SYNJ1: variants seen among roughly 807,000 people sequenced by gnomAD.
The protein encoded by SYNJ1 is polyphosphatidylinositol phosphatase SYNJ1.
In SYNJ1, 78 loss-of-function variants were observed where a neutral mutation model predicts 168.2. The ratio of observed to expected loss-of-function variants is 0.46; its 90% CI spans 0.39 to 0.56. The LOEUF (loss-of-function observed/expected upper bound fraction) is 0.56, where lower values mean the gene tolerates loss of function less well. SYNJ1 is among the 20% of genes least tolerant of loss of function. The pLI, the probability that SYNJ1 is intolerant of heterozygous loss-of-function variation, is 0.00. For missense variants in SYNJ1, 1,303 were observed against 1,597.6 expected, an observed-to-expected ratio of 0.82 and a Z score of 3.14; for synonymous variants, 539 against 548.6, an observed-to-expected ratio of 0.98 and a Z score of 0.24.
intron 2 of SYNJ1, among the ~76,000 whole-genome samples, chr21:32,719,755 C>T (rs1289693535): frequency 6.7e-6 from 1 of 150,288 alleles, no homozygotes; most frequent in African/African-American, 2.4e-5. Flanking sequence ...CTATTTAGTG[C>T]TCAGTGCTCA....
chr21:32,713,860 G>GA (rs1433304289), intron 2 of SYNJ1, among the ~76,000 whole-genome samples: 1 of 152,218 alleles, frequency 6.6e-6, no homozygotes, highest in Non-Finnish European at 1.5e-5. Flanking sequence ...ATGTTAAGCT[G>GA]AAAAACACTT....
At chr21:32,711,547 G>T (rs1283565225) in intron 2 of SYNJ1, among the ~76,000 whole-genome samples, 1 of 152,072 alleles carries the variant, frequency 6.6e-6, no homozygotes, top group East Asian at 1.9e-4. Context: ...GGCCAGGATG[G>T]TCTCGATCTC....
chr21:32,701,018 C>T (rs1285728520), intron 3 of SYNJ1, among the ~76,000 whole-genome samples: 4 of 152,100 alleles, frequency 2.6e-5, no homozygotes, highest in African/African-American at 7.2e-5. Flanking sequence ...CAGGTAGAAG[C>T]GGCCCTGAAT....
intron 15 of SYNJ1, among the ~76,000 whole-genome samples, chr21:32,667,050 T>C (rs1380239365): frequency 6.6e-6 from 1 of 151,808 alleles, no homozygotes; most frequent in Non-Finnish European, 1.5e-5. Context: ...ACAATGTAAT[T>C]AGTTGTTATA....
intron 10 of SYNJ1, among the ~76,000 whole-genome samples, chr21:32,682,058 A>G (rs910687836): frequency 6.6e-6 from 1 of 152,174 alleles, no homozygotes; most frequent in Non-Finnish European, 1.5e-5. Context: ...TTAAGTAATT[A>G]AGGTAAAAAA....
chr21:32,677,695 T>C (rs573649721), intron 12 of SYNJ1, among the ~76,000 whole-genome samples: 1 of 152,256 alleles, frequency 6.6e-6, no homozygotes, highest in South Asian at 2.1e-4. Context: ...TAGGTCTAAG[T>C]TCCCTAGCCC....
At chr21:32,637,500 G>A (rs1009118801) in intron 31 of SYNJ1, among the ~76,000 whole-genome samples, 4 of 142,906 alleles carry the variant, frequency 2.8e-5, no homozygotes, top group Admixed American at 7.6e-5. Flanking sequence ...CCTCCACCTC[G>A]CAGGTTCAAC....
At chr21:32,686,179 C>T (rs977635683) in intron 8 of SYNJ1, among the ~76,000 whole-genome samples, 25 of 152,122 alleles carry the variant, frequency 1.6e-4, no homozygotes, top group Admixed American at 1.6e-3. Flanking sequence ...ATTATAGAAT[C>T]TCAAAGTCAT....
At chr21:32,645,411 G>A (rs145964897) in intron 25 of SYNJ1, among the ~76,000 whole-genome samples, 357 of 152,220 alleles carry the variant, frequency 2.3e-3, no homozygotes, top group African/African-American at 6.9e-3. Context: ...TCTCTGGCTG[G>A]CTGGTGAGAA....
At position 32,644,995 on chromosome 21, in the gene SYNJ1, G is replaced by A. The variant is rs151126056; in HGVS notation, c.3403C>T (p.Pro1135Ser). Residue 1135 changes from proline (P) to serine (S), a missense_variant, in exon 26 of 33, where the codon CCT becomes TCT. Pro to Ser is a moderately conservative substitution (Grantham distance 74). Around this residue, in one of 2 missense-constraint regions of SYNJ1, gnomAD observed 383 missense variants for 388.8 expected, o/e 0.99. Transcript: ENST00000674351. Reference sequence around the variant, plus strand: ...CCAAATTCCTTTCTAGTGGGTGCAGGACTCCTAGCCCCTTATAGTTCATAA... The same window carrying A: ...CCAAATTCCTTTCTAGTGGGTGCAGAACTCCTAGCCCCTTATAGTTCATAA... Reference protein sequence around the residue: ...RPPPPSGARSPAPTRKEFGGI... With the variant: ...RPPPPSGARSSAPTRKEFGGI... The A allele has an allele frequency of 1.0e-4, 162 of 1,607,284 alleles. No homozygotes were observed. Among genetic ancestry groups the A allele is most frequent in the Non-Finnish European group, 1.3e-4 (157 of 1,177,784 alleles).
At chr21:32,663,431 C>T (rs938076191) in intron 18 of SYNJ1, among the ~76,000 whole-genome samples, 29 of 152,108 alleles carry the variant, frequency 1.9e-4, no homozygotes, top group African/African-American at 9.7e-5. Flanking sequence ...TGGACCCATC[C>T]GGAGTCCCAC....
chr21:32,694,260 C>G lies in SYNJ1; in HGVS notation c.757G>C (p.Val253Leu), dbSNP rs890834213. Residue 253 changes from valine to leucine, a missense_variant, in exon 6 of 33, where the codon GTT becomes CTT. This residue lies in a region of SYNJ1 where 920 missense variants were observed against 1,208.8 expected (regional missense o/e 0.76). Coordinates refer to ENST00000674351, the MANE Select transcript of SYNJ1 (RefSeq NM_203446.3). ...CCTGGTTGCTCCCAGAACAATGGAA[C>G]AGATCCTCGGATTTGTATGAAGGAA... ...VSSFIQIRGS[V>L]PLFWEQPGLQ... 1.9e-6 allele frequency: 3 copies of G among 1,568,520 alleles called. No individual in the cohort carries two copies. In the African/African-American group the frequency reaches 4.2e-5, roughly 22 times the overall value.
chr21:32,655,561 C>A (rs932920798), intron 21 of SYNJ1, among the ~76,000 whole-genome samples: 5 of 151,998 alleles, frequency 3.3e-5, no homozygotes, highest in African/African-American at 1.2e-4. Flanking sequence ...GTGGACTACG[C>A]CCTTTAGGAT....
chr21:32,648,821 C>T (rs2040168756), intron 23 of SYNJ1, among the ~76,000 whole-genome samples: 1 of 152,194 alleles, frequency 6.6e-6, no homozygotes, highest in Non-Finnish European at 1.5e-5. Context: ...ACTCCATGAA[C>T]ATCTCAAATT....
intron 17 of SYNJ1, among the ~76,000 whole-genome samples, chr21:32,665,380 T>C (rs2145918767): frequency 6.6e-6 from 1 of 152,318 alleles, no homozygotes; most frequent in Non-Finnish European, 1.5e-5. Flanking sequence ...GTGGACAAAG[T>C]ATAGACTGAA....
chr21:32,683,969 A>C, intron 10 of SYNJ1, 69 bp downstream of exon 10: 1 of 1,303,154 alleles, frequency 7.7e-7, no homozygotes. Flanking sequence ...AATAAGAAAC[A>C]TAAGTATTCA....
chr21:32,631,457 C>T lies in SYNJ1; in HGVS notation c.*348G>A. On this transcript the variant is annotated 3_prime_UTR_variant, in exon 33 of 33. Coordinates refer to ENST00000674351, the MANE Select transcript of SYNJ1 (RefSeq NM_203446.3). ...ATGAAGTTGCCTCTGATTCTTCAGA[C>T]TTGGCTCTAAATGGGTTTCCAGGAG... 2 of 1,614,192 alleles carry T rather than the reference C, an allele frequency of 1.2e-6. No individual in the cohort carries two copies. Among genetic ancestry groups the T allele is most frequent in the South Asian group, 1.1e-5 (1 of 91,084 alleles).
At chr21:32,641,192 T>C (rs1369823524) in intron 29 of SYNJ1, among the ~76,000 whole-genome samples, 1 of 152,222 alleles carries the variant, frequency 6.6e-6, no homozygotes, top group Non-Finnish European at 1.5e-5. Flanking sequence ...CTCAGTTTCC[T>C]ACTCTTCAGA....
intron 12 of SYNJ1, among the ~76,000 whole-genome samples, chr21:32,677,888 A>G (rs2041473145): frequency 6.6e-6 from 1 of 152,218 alleles, no homozygotes; most frequent in Non-Finnish European, 1.5e-5. Context: ...AACAGAAAAA[A>G]AATTTCTTTT....
Sources: gnomAD v4.1 joint callset for allele counts (sites outside exome capture counted in the v4.1 genomes callset) on GRCh38, gnomAD v4.1.1 for gene constraint, gnomAD v4.1.1 regional missense constraint, MANE v1.5 for transcripts, NCBI Gene and HGNC (gene_info 2026-07-23, HGNC 2026-07-21) for gene names.